The following FRMD4B variants were observed in gnomAD, a reference collection of about 807,000 sequenced individuals.
FRMD4B encodes FERM domain-containing protein 4B.
In FRMD4B, 74 loss-of-function variants were observed where a neutral mutation model predicts 141.5. The observed-to-expected ratio is 0.52, with a 90% CI of 0.43 to 0.63. FRMD4B has a LOEUF of 0.63. Ranked by LOEUF, FRMD4B falls within the 30% of genes least tolerant of loss-of-function variation. FRMD4B has a pLI of 0.00. For missense variants in FRMD4B, 1,366 were observed against 1,253.4 expected, an observed-to-expected ratio of 1.09 and a Z score of -1.36; for synonymous variants, 506 against 467.9, an observed-to-expected ratio of 1.08 and a Z score of -1.05.
At chr3:69,512,408 C>A (rs1487948104) in intron 1 of FRMD4B, among the ~76,000 whole-genome samples, 1 of 152,186 alleles carries the variant, frequency 6.6e-6, no homozygotes, top group Non-Finnish European at 1.5e-5. Flanking sequence ...TCATATAGTA[C>A]AGGCTAAGCT....
At position 69,182,618 on chromosome 3, in the gene FRMD4B, G is replaced by A; in HGVS notation, c.2019C>T (p.Ala673=). 1 of 1,612,304 alleles carries A rather than the reference G, an allele frequency of 6.2e-7. No homozygotes were observed. Among genetic ancestry groups the A allele is most frequent in the Non-Finnish European group, 8.5e-7 (1 of 1,179,516 alleles). ...MPTTPVLTRN[A]YSSSHLEPES... is the part of the protein sequence containing the mutation. Reference sequence around the variant, plus strand: ...CTTACTCCAAGTGGCTGCTGCTGTAGGCGTTTCGGGTAAGAACTGGCGTGG... The same window carrying A: ...CTTACTCCAAGTGGCTGCTGCTGTAAGCGTTTCGGGTAAGAACTGGCGTGG... The change falls in exon 20 of 23, where the codon GCC becomes GCT. Residue 673 remains alanine, a synonymous_variant. Coordinates refer to ENST00000398540, the MANE Select transcript of FRMD4B (RefSeq NM_015123.3).
chr3:69,536,006 G>T, intron 1 of FRMD4B: 2 of 387,704 alleles, frequency 5.2e-6, no homozygotes, highest in South Asian at 4.2e-5. Flanking sequence ...TACTAAGCCC[G>T]CTGGCACTGG....
chr3:69,445,135 G>T (rs1705393358), intron 1 of FRMD4B, among the ~76,000 whole-genome samples: 1 of 152,178 alleles, frequency 6.6e-6, no homozygotes, highest in African/African-American at 2.4e-5. Flanking sequence ...AACGACAGCA[G>T]CCAGAAAGGG....
intron 5 of FRMD4B, among the ~76,000 whole-genome samples, chr3:69,279,775 T>A (rs1205362179): frequency 2.4e-5 from 2 of 81,858 alleles, no homozygotes; most frequent in Non-Finnish European, 4.5e-5. Flanking sequence ...CCTCCTCCCC[T>A]CCTCCTCTCC....
intron 11 of FRMD4B, among the ~76,000 whole-genome samples, chr3:69,210,308 T>C (rs2093063031): frequency 6.6e-6 from 1 of 152,238 alleles, no homozygotes; most frequent in South Asian, 2.1e-4. Flanking sequence ...TGTCATGACA[T>C]AGACTAATAC....
chr3:69,204,810 CATCTATT>C (rs2093006733), intron 11 of FRMD4B, among the ~76,000 whole-genome samples: 2 of 152,150 alleles, frequency 1.3e-5, no homozygotes. Flanking sequence ...TAAGATGTTG[CATCTATT>C]ATCTTATGGC....
intron 1 of FRMD4B, among the ~76,000 whole-genome samples, chr3:69,359,201 C>T (rs1703405599): frequency 6.6e-6 from 1 of 151,956 alleles, no homozygotes; most frequent in Non-Finnish European, 1.5e-5. Context: ...AAGAGTAAGA[C>T]TTAGGAGGAA....
intron 19 of FRMD4B, among the ~76,000 whole-genome samples, chr3:69,183,056 C>A (rs1008903488): frequency 2.0e-5 from 3 of 152,144 alleles, no homozygotes; most frequent in African/African-American, 4.8e-5. Context: ...TTGTGGTGAA[C>A]AGGGATGGAT....
intron 7 of FRMD4B, among the ~76,000 whole-genome samples, chr3:69,236,525 G>A (rs145126975): frequency 0.011 from 1,699 of 152,216 alleles, 13 homozygotes; most frequent in Admixed American, 0.019. Context: ...CACCGTGCCC[G>A]GCCCCAAATT....
chr3:69,436,431 A>G (rs989809376), intron 1 of FRMD4B, among the ~76,000 whole-genome samples: 1 of 152,186 alleles, frequency 6.6e-6, no homozygotes, highest in Non-Finnish European at 1.5e-5. Context: ...TGGGGAATGA[A>G]AGGAAAATAA....
intron 1 of FRMD4B, among the ~76,000 whole-genome samples, chr3:69,337,566 G>C (rs1702598347): frequency 6.6e-6 from 1 of 152,112 alleles, no homozygotes; most frequent in Admixed American, 6.5e-5. Flanking sequence ...ATCTGACAAA[G>C]GGCTAATATC....
chr3:69,400,006 T>G (rs1704533648), intron 2 of FRMD4B, among the ~76,000 whole-genome samples: 1 of 152,182 alleles, frequency 6.6e-6, no homozygotes, highest in Admixed American at 6.5e-5. Context: ...CTGGCTCATA[T>G]TAGGTACTCA....
chr3:69,224,108 GA>G, intron 8 of FRMD4B, among the ~76,000 whole-genome samples: 1 of 151,680 alleles, frequency 6.6e-6, no homozygotes, highest in East Asian at 1.9e-4. Flanking sequence ...ACGTAATTTA[GA>G]AAAAAAATAT....
intron 5 of FRMD4B, among the ~76,000 whole-genome samples, chr3:69,281,829 A>AT (rs1259796957): frequency 5.7e-5 from 2 of 34,950 alleles, no homozygotes; most frequent in African/African-American, 1.4e-4. Context: ...GTCTCAAAAA[A>AT]AAAAAAAAAA....
At chr3:69,538,674 G>A (rs1025086381) in intron 1 of FRMD4B, among the ~76,000 whole-genome samples, 1 of 152,164 alleles carries the variant, frequency 6.6e-6, no homozygotes, top group African/African-American at 2.4e-5. Flanking sequence ...GATAAAAAAT[G>A]ACATGATAAT....
intron 1 of FRMD4B, among the ~76,000 whole-genome samples, chr3:69,330,340 C>CTCTTTTTTTTTTT (rs1225031283): frequency 7.0e-5 from 3 of 42,928 alleles, no homozygotes; most frequent in African/African-American, 3.6e-4. Context: ...ATTCTTTTGC[C>CTCTTTTTTTTTTT]TTTTTTTTTT....
intron 1 of FRMD4B, among the ~76,000 whole-genome samples, chr3:69,537,548 C>G (rs988932668): frequency 6.6e-5 from 10 of 152,162 alleles, no homozygotes; most frequent in Non-Finnish European, 1.5e-4. Context: ...ACGATCACCC[C>G]CTTGTAAGAG....
chr3:69,427,643 GTTTTTTTTTTTTTTTT>G (rs774316609), intron 2 of FRMD4B, among the ~76,000 whole-genome samples: 6 of 36,238 alleles, frequency 1.7e-4, no homozygotes, highest in East Asian at 2.5e-3. Context: ...CTAGGTAAAT[GTTTTTTTTTTTTTTTT>G]TTTTTTTTTT....
chr3:69,314,687 T>C (rs1463235393), intron 1 of FRMD4B, among the ~76,000 whole-genome samples: 1 of 151,962 alleles, frequency 6.6e-6, no homozygotes, highest in Non-Finnish European at 1.5e-5. Context: ...ATACAAAAAT[T>C]AGCCTGGCAT....
Sources: gnomAD v4.1 joint callset for allele counts (sites outside exome capture counted in the v4.1 genomes callset) on GRCh38, gnomAD v4.1.1 for gene constraint, MANE v1.5 for transcripts, NCBI Gene and HGNC (gene_info 2026-07-23, HGNC 2026-07-21) for gene names.